The following TIMP3 variants were observed in gnomAD, a reference collection of about 807,000 sequenced individuals.
The protein encoded by TIMP3 is TIMP metallopeptidase inhibitor 3.
TIMP3 carries 11 observed loss-of-function variants against 30.0 expected under a neutral mutation model. That is an observed-to-expected ratio of 0.37 (90% CI 0.23 to 0.61). The LOEUF (loss-of-function observed/expected upper bound fraction) is 0.61. Ranked by LOEUF, TIMP3 falls within the 20% of genes least tolerant of loss-of-function variation. The probability of loss-of-function intolerance (pLI) is 0.70; values close to 1 mark genes in which losing one functional copy is unlikely to be tolerated. For missense variants in TIMP3, 181 were observed against 276.8 expected (o/e 0.65, Z 2.45); for synonymous variants, 112 against 111.3 (o/e 1.01, Z -0.04).
At chr22:32,813,038 C>G (rs2046955263) in intron 1 of TIMP3, among the ~76,000 whole-genome samples, 1 of 152,312 alleles carries the variant, frequency 6.6e-6, no homozygotes, top group East Asian at 1.9e-4. Context: ...TTGGCTGATT[C>G]TCTTTTGGCC....
chr22:32,805,888 T>C (rs954235909), intron 1 of TIMP3, among the ~76,000 whole-genome samples: 4 of 151,990 alleles, frequency 2.6e-5, no homozygotes, highest in African/African-American at 4.8e-5. Flanking sequence ...TTTAAAAATA[T>C]GAAGATAGCC....
intron 1 of TIMP3, among the ~76,000 whole-genome samples, chr22:32,804,519 A>G (rs2046673808): frequency 6.6e-6 from 1 of 152,104 alleles, no homozygotes; most frequent in African/African-American, 2.4e-5. Flanking sequence ...TAAAACCATC[A>G]TGGTGGTTTT....
chr22:32,849,357 A>G, intron 1 of TIMP3, 95 bp from the exon 2 acceptor site: 1 of 1,036,278 alleles, frequency 9.6e-7, no homozygotes, highest in East Asian at 2.6e-5. Context: ...GTGCAATTCC[A>G]GGCTCCACAG....
At chr22:32,840,391 A>G (rs1177409122) in intron 1 of TIMP3, among the ~76,000 whole-genome samples, 1 of 152,054 alleles carries the variant, frequency 6.6e-6, no homozygotes, top group East Asian at 1.9e-4. Flanking sequence ...TTTGAAACGG[A>G]CAAGAGAGAA....
chr22:32,825,539 A>T (rs2047377668), intron 1 of TIMP3, among the ~76,000 whole-genome samples: 2 of 151,636 alleles, frequency 1.3e-5, no homozygotes, highest in African/African-American at 4.8e-5. Context: ...GGCGCCTGTA[A>T]TCCCAGCTAC....
intron 2 of TIMP3, among the ~76,000 whole-genome samples, chr22:32,851,434 G>A (rs777796711): frequency 1.9e-4 from 29 of 152,052 alleles, no homozygotes; most frequent in Non-Finnish European, 2.6e-4. Context: ...GCCACGGGTG[G>A]TTGTTTAGAG....
At chr22:32,810,755 G>A (rs1601414642) in intron 1 of TIMP3, among the ~76,000 whole-genome samples, 1 of 152,276 alleles carries the variant, frequency 6.6e-6, no homozygotes, top group Admixed American at 6.5e-5. Context: ...GGTGAGTTTC[G>A]CAACCAGGGT....
At chr22:32,821,801 A>G (rs1398760524) in intron 1 of TIMP3, among the ~76,000 whole-genome samples, 1 of 152,162 alleles carries the variant, frequency 6.6e-6, no homozygotes, top group East Asian at 1.9e-4. Flanking sequence ...CTGCAAGACA[A>G]AGAGGGCCTC....
At chr22:32,844,498 A>G (rs2048005358) in intron 1 of TIMP3, among the ~76,000 whole-genome samples, 1 of 152,204 alleles carries the variant, frequency 6.6e-6, no homozygotes, top group Admixed American at 6.5e-5. Flanking sequence ...GCCCAAACAA[A>G]TATTCAAAGG....
intron 1 of TIMP3, among the ~76,000 whole-genome samples, chr22:32,803,290 G>T (rs1016208365): frequency 6.6e-6 from 1 of 152,152 alleles, no homozygotes; most frequent in East Asian, 1.9e-4. Flanking sequence ...ATTTTCCACT[G>T]AGTCTTGGGT....
chr22:32,801,888 G>A lies in TIMP3; in HGVS notation c.-114G>A. On this transcript the variant is annotated 5_prime_UTR_variant, in exon 1 of 5. Coordinates refer to ENST00000266085, the MANE Select transcript of TIMP3 (RefSeq NM_000362.5). The surrounding 1 kb of genome is among the most constrained non-coding windows in gnomAD (Gnocchi z 4.7). ...GGGCAGCGCGCCGGAGGCCAAGGTT[G>A]CCCCGCACGGCCCGGCGGGCGAGCG... is the stretch of plus-strand genomic sequence containing the variant. 7.5e-7 allele frequency: 1 copy of A among 1,337,906 alleles called. No individual in the cohort carries two copies. Among genetic ancestry groups the A allele is most frequent in the Non-Finnish European group, 9.6e-7 (1 of 1,046,458 alleles). 82.9% of individuals were successfully genotyped at this position (1,337,906 alleles called of 1,614,324 possible).
At position 32,825,583 on chromosome 22, in the gene TIMP3, G is replaced by A. The variant is rs184761402; in HGVS notation, c.121+23461G>A. Among the ~76,000 whole-genome samples the A allele has an allele frequency of 4.1e-3, 532 of 129,642 alleles. 3 individuals carry two copies. Among genetic ancestry groups the A allele is most frequent in the South Asian group, 6.7e-3 (25 of 3,742 alleles). The allele number at this position is 129,642 out of a possible 152,430, so 85.1% of individuals were successfully genotyped here. A position where few individuals can be genotyped will look rare whatever the true frequency, so the allele number is the denominator to read the frequency against. ...CTGAGGCAGAGAATCACTTGAACCC[G>A]CAAGGCAGAGGTTGCAGTGAGCCGA... On this transcript the variant is annotated intron_variant, in intron 1 of 4. Transcript: ENST00000266085.
chr22:32,820,775 T>C lies in TIMP3; in HGVS notation c.121+18653T>C, dbSNP rs2047224624. On this transcript the variant is annotated intron_variant, in intron 1 of 4. Transcript: ENST00000266085. ...GATCACAGAAGCTTACTCATACCTA[T>C]TTGAAAGCCAAGTCAACAGATGTGG... Among the ~76,000 whole-genome samples the C allele has an allele frequency of 1.3e-5, 2 of 152,186 alleles. 1 individual carries two copies. Among genetic ancestry groups the C allele is most frequent in the South Asian group, 4.1e-4 (2 of 4,834 alleles).
At chr22:32,817,211 C>G (rs1378474430) in intron 1 of TIMP3, among the ~76,000 whole-genome samples, 2 of 146,872 alleles carry the variant, frequency 1.4e-5, no homozygotes, top group African/African-American at 2.5e-5. Context: ...GAGCAAGACT[C>G]TATCTCAAAA....
rs2146313649 is a variant in TIMP3, at chr22:32,862,474, C to T, written c.*3097C>T. ...TTGGAATAGCCCTGTCTAGGGCAAA[C>T]TGTGGCCCCCAGGAGACACTACCCT... On this transcript the variant is annotated 3_prime_UTR_variant, in exon 5 of 5. Coordinates refer to ENST00000266085, the MANE Select transcript of TIMP3 (RefSeq NM_000362.5). 1 of 152,332 alleles carries T rather than the reference C, an allele frequency of 6.6e-6. No individual in the cohort carries two copies. The highest frequency in any genetic ancestry group is 1.5e-5 in the Non-Finnish European group (1 of 68,038). The allele number at this position is 152,332 out of a possible 1,614,324, so 9.4% of individuals were successfully genotyped here. A position where few individuals can be genotyped will look rare whatever the true frequency, so the allele number is the denominator to read the frequency against.
chr22:32,822,970 T>C (rs2146075921), intron 1 of TIMP3, among the ~76,000 whole-genome samples: 1 of 152,156 alleles, frequency 6.6e-6, no homozygotes, highest in African/African-American at 2.4e-5. Context: ...TGCATCCAGA[T>C]GCTTAGAGAA....
chr22:32,852,890 G>C (rs895687848), intron 2 of TIMP3, among the ~76,000 whole-genome samples: 1 of 152,192 alleles, frequency 6.6e-6, no homozygotes, highest in Non-Finnish European at 1.5e-5. Flanking sequence ...TCAGGACCAT[G>C]AGAAACCGAT....
At chr22:32,824,592 T>A (rs981285107) in intron 1 of TIMP3, among the ~76,000 whole-genome samples, 1 of 152,150 alleles carries the variant, frequency 6.6e-6, no homozygotes, top group African/African-American at 2.4e-5. Flanking sequence ...AATATATATA[T>A]GTCATTGAAC....
intron 1 of TIMP3, among the ~76,000 whole-genome samples, chr22:32,843,882 C>G (rs2047985819): frequency 6.6e-6 from 1 of 152,090 alleles, no homozygotes; most frequent in African/African-American, 2.4e-5. Flanking sequence ...TGCCTTAAAG[C>G]AGCAAAATCA....
Sources: gnomAD v4.1 joint callset for allele counts (sites outside exome capture counted in the v4.1 genomes callset) on GRCh38, gnomAD v4.1.1 for gene constraint, Gnocchi (gnomAD v3.1) non-coding constraint, MANE v1.5 for transcripts, NCBI Gene and HGNC (gene_info 2026-07-23, HGNC 2026-07-21) for gene names.